NFKB1: variants seen among roughly 807,000 people sequenced by gnomAD.
NFKB1 encodes nuclear factor kappa B subunit 1.
Under a neutral mutation model 105.1 loss-of-function variants are expected in NFKB1, and 9 were observed. The ratio of observed to expected loss-of-function variants is 0.09; its 90% CI spans 0.05 to 0.15. The LOEUF (loss-of-function observed/expected upper bound fraction) is 0.15, where lower values mean the gene tolerates loss of function less well. Ranked by LOEUF, NFKB1 falls within the 10% of genes least tolerant of loss-of-function variation. NFKB1 has a pLI of 1.00. For synonymous variants in NFKB1, 440 were observed against 442.2 expected (o/e 1.00, Z 0.06); for missense variants, 830 against 1,203.7 (o/e 0.69, Z 4.59).
At chr4:102,530,662 C>T (rs945337164) in intron 3 of NFKB1, among the ~76,000 whole-genome samples, 2 of 152,142 alleles carry the variant, frequency 1.3e-5, no homozygotes, top group African/African-American at 4.8e-5. Context: ...CTGAAGGAGG[C>T]ATCAGCTCTT....
At chr4:102,613,770 C>T (rs968280361) in intron 23 of NFKB1, among the ~76,000 whole-genome samples, 189 bp downstream of exon 23, 1 of 152,068 alleles carries the variant, frequency 6.6e-6, no homozygotes, top group Admixed American at 6.6e-5. Context: ...GGGGGTCGTA[C>T]CCTTGGAAAA....
intron 1 of NFKB1, among the ~76,000 whole-genome samples, chr4:102,506,684 C>A (rs1216014015): frequency 6.6e-6 from 1 of 151,940 alleles, no homozygotes; most frequent in African/African-American, 2.4e-5. Flanking sequence ...GCCAATACTC[C>A]CTGTCCTAGT....
intron 15 of NFKB1, 61 bp downstream of exon 15, chr4:102,597,722 A>G (rs1726754850): frequency 2.6e-6 from 4 of 1,532,398 alleles, no homozygotes; most frequent in Non-Finnish European, 3.6e-6. Flanking sequence ...AGCATCGTAT[A>G]ATGCATACTG....
rs1438332915 is a variant in NFKB1, at chr4:102,574,223, C to G, written c.408-2653C>G. Among the ~76,000 whole-genome samples, 3 of 143,022 alleles carry G rather than the reference C, an allele frequency of 2.1e-5. No individual in the cohort carries two copies. The East Asian group carries it at 6.7e-4, about 32-fold the overall frequency. 93.8% of individuals were successfully genotyped at this position (143,022 alleles called of 152,430 possible). On this transcript the variant is annotated intron_variant, in intron 6 of 23. Transcript: ENST00000226574. ...TTTGATTTTTTTGATTCTTTCTAAA[C>G]TTACTTTTAAGCTTTATCAGAGAGA...
intron 1 of NFKB1, among the ~76,000 whole-genome samples, chr4:102,521,509 T>C (rs1278234521): frequency 6.6e-6 from 1 of 152,236 alleles, no homozygotes; most frequent in Non-Finnish European, 1.5e-5. Context: ...CCTAAAATTT[T>C]ATTTTTTCAA....
chr4:102,566,490 C>A (rs1723880938), intron 5 of NFKB1, among the ~76,000 whole-genome samples: 1 of 152,160 alleles, frequency 6.6e-6, no homozygotes, highest in Non-Finnish European at 1.5e-5. Flanking sequence ...GAACCAGGTC[C>A]CTGGCAAGAT....
chr4:102,592,621 A>G (rs1726266311), intron 11 of NFKB1, among the ~76,000 whole-genome samples: 2 of 152,342 alleles, frequency 1.3e-5, no homozygotes, highest in South Asian at 4.1e-4. Context: ...TATAGTGTAA[A>G]CATAATTTTT....
Position 102,567,050 on chromosome 4 carries a change from C to T in NFKB1, c.322C>T (p.His108Tyr), listed in dbSNP as rs749065614. ...GTTGGTCACAAATGGAAAAAATATC[C>T]ACCTGCATGCCCACAGCCTGGTGGG... ...VQLVTNGKNIHLHAHSLVGKH... is the reference protein window; with the variant it reads ...VQLVTNGKNIYLHAHSLVGKH... The change falls in exon 6 of 24, where the codon CAC becomes TAC. Residue 108 changes from histidine (H) to tyrosine (Y), a missense_variant. By Grantham distance (83) the His-to-Tyr change is moderately conservative. Transcript: ENST00000226574. The T allele has an allele frequency of 5.0e-6, 8 of 1,613,854 alleles. No individual in the cohort carries two copies. The highest frequency in any genetic ancestry group is 1.6e-4 in the Middle Eastern group (1 of 6,084).
chr4:102,608,193 T>C (rs988450824), intron 19 of NFKB1, among the ~76,000 whole-genome samples: 2 of 152,160 alleles, frequency 1.3e-5, no homozygotes, highest in Admixed American at 1.3e-4. Context: ...AAAAAGAAAA[T>C]GGGCCATGTA....
chr4:102,600,623 A>G (rs151332524), intron 15 of NFKB1, among the ~76,000 whole-genome samples: 1 of 152,202 alleles, frequency 6.6e-6, no homozygotes, highest in African/African-American at 2.4e-5. Flanking sequence ...CAGTGTGTTT[A>G]TACATCAAGG....
chr4:102,612,163 A>G, intron 21 of NFKB1, 53 bp downstream of exon 21: 1 of 1,487,930 alleles, frequency 6.7e-7, no homozygotes, highest in Non-Finnish European at 9.4e-7. Context: ...CCACACTGTC[A>G]TTTAAAGGGA....
intron 11 of NFKB1, among the ~76,000 whole-genome samples, chr4:102,590,541 G>A (rs1726083195): frequency 6.6e-6 from 1 of 152,096 alleles, no homozygotes; most frequent in South Asian, 2.1e-4. Flanking sequence ...ACTTTTCCAT[G>A]ATTATTATAT....
At chr4:102,526,721 A>G (rs1038796768) in intron 2 of NFKB1, among the ~76,000 whole-genome samples, 1 of 152,178 alleles carries the variant, frequency 6.6e-6, no homozygotes, top group Non-Finnish European at 1.5e-5. Context: ...AAAAATATTC[A>G]ATGAATGTGC....
At chr4:102,571,328 T>C (rs984440081) in intron 6 of NFKB1, among the ~76,000 whole-genome samples, 1 of 152,088 alleles carries the variant, frequency 6.6e-6, no homozygotes, top group East Asian at 1.9e-4. Context: ...ATACAAAAAT[T>C]AATTCAAGAT....
At chr4:102,565,434 C>T (rs938000544) in intron 5 of NFKB1, among the ~76,000 whole-genome samples, 1 of 152,138 alleles carries the variant, frequency 6.6e-6, no homozygotes, top group African/African-American at 2.4e-5. Flanking sequence ...CTCTGATCAG[C>T]TTTTCGACTC....
intron 6 of NFKB1, among the ~76,000 whole-genome samples, chr4:102,573,968 TATTC>T (rs1724597385): frequency 6.6e-6 from 1 of 152,188 alleles, no homozygotes; most frequent in Admixed American, 6.5e-5. Flanking sequence ...ATATAATAGC[TATTC>T]AATGTACTTG....
chr4:102,613,350 TG>T, intron 22 of NFKB1, 74 bp from the exon 23 acceptor site: 1 of 1,477,484 alleles, frequency 6.8e-7, no homozygotes, highest in Non-Finnish European at 9.3e-7. Flanking sequence ...GAGGGAAGGG[TG>T]GGCTGTCAGT....
intron 23 of NFKB1, among the ~76,000 whole-genome samples, chr4:102,614,131 A>G (rs1028020873): frequency 6.6e-6 from 1 of 152,044 alleles, no homozygotes; most frequent in African/African-American, 2.4e-5. Flanking sequence ...CCCCTTACTC[A>G]TGCAACACCC....
At chr4:102,530,369 A>G (rs1482374735) in intron 3 of NFKB1, among the ~76,000 whole-genome samples, 2 of 152,184 alleles carry the variant, frequency 1.3e-5, no homozygotes, top group Non-Finnish European at 2.9e-5. Context: ...ATAAAAGCTT[A>G]TAACTTTGCA....
Sources: allele counts gnomAD v4.1 joint callset (sites outside exome capture counted in the v4.1 genomes callset), GRCh38; gene constraint gnomAD v4.1.1; transcripts MANE v1.5; gene names NCBI Gene and HGNC (gene_info 2026-07-23, HGNC 2026-07-21).